The following ARHGAP15 variants were observed in gnomAD, a reference collection of about 807,000 sequenced individuals.
ARHGAP15 encodes rho GTPase-activating protein 15.
In ARHGAP15, 51 loss-of-function variants were observed where a neutral mutation model predicts 63.7. The ratio of observed to expected loss-of-function variants is 0.80; its 90% CI spans 0.64 to 1.01. The LOEUF is 1.01. Among genes scored for constraint, ARHGAP15 ranks in the 50% least tolerant of loss-of-function variants. ARHGAP15 has a pLI of 0.00. For missense variants in ARHGAP15, 560 were observed against 564.6 expected (o/e 0.99, Z 0.08); for synonymous variants, 191 against 193.8 (o/e 0.99, Z 0.12).
intron 9 of ARHGAP15, among the ~76,000 whole-genome samples, chr2:143,504,827 G>C (rs1160711846): frequency 6.6e-6 from 1 of 152,186 alleles, no homozygotes; most frequent in Admixed American, 6.5e-5. Flanking sequence ...TCCCTGCCTA[G>C]GTACTGGCCA....
chr2:143,384,933 A>G (rs1687214528), intron 6 of ARHGAP15, among the ~76,000 whole-genome samples: 1 of 152,210 alleles, frequency 6.6e-6, no homozygotes, highest in African/African-American at 2.4e-5. Flanking sequence ...ACTTTGGAAC[A>G]CTGAATAAGA....
intron 6 of ARHGAP15, among the ~76,000 whole-genome samples, chr2:143,420,101 C>T (rs753794294): frequency 7.9e-5 from 12 of 152,074 alleles, no homozygotes; most frequent in South Asian, 2.1e-4. Context: ...GGTCAGGATA[C>T]GGTTACTGAA....
intron 13 of ARHGAP15, among the ~76,000 whole-genome samples, chr2:143,736,088 A>G (rs1405053451): frequency 6.6e-6 from 1 of 152,104 alleles, no homozygotes; most frequent in Admixed American, 6.5e-5. Context: ...CAGGTCCTTA[A>G]CCTATATGTG....
chr2:143,745,149 G>A (rs1261794454), intron 13 of ARHGAP15, among the ~76,000 whole-genome samples: 2 of 152,158 alleles, frequency 1.3e-5, no homozygotes, highest in Non-Finnish European at 2.9e-5. Context: ...TCTCAAGTTC[G>A]CAGATTCCTT....
chr2:143,232,194 A>T (rs1001635474), intron 5 of ARHGAP15, among the ~76,000 whole-genome samples: 1 of 152,230 alleles, frequency 6.6e-6, no homozygotes, highest in African/African-American at 2.4e-5. Flanking sequence ...TATGAAAAGG[A>T]CATTAAATCG....
At chr2:143,507,793 C>G (rs6705184) in intron 9 of ARHGAP15, among the ~76,000 whole-genome samples, 59,986 of 151,958 alleles carry the variant, frequency 0.39, 13,392 homozygotes, top group Non-Finnish European at 0.51. Flanking sequence ...CCTGGGATCA[C>G]CCCCGCTTTC....
chr2:143,444,872 T>C (rs1690060214), intron 8 of ARHGAP15, among the ~76,000 whole-genome samples: 1 of 152,192 alleles, frequency 6.6e-6, no homozygotes, highest in Non-Finnish European at 1.5e-5. Context: ...TTAGGATTCC[T>C]AGCTTTCTTC....
chr2:143,516,368 ACT>A (rs933098723), intron 9 of ARHGAP15, among the ~76,000 whole-genome samples: 2 of 151,466 alleles, frequency 1.3e-5, no homozygotes, highest in Non-Finnish European at 2.9e-5. Flanking sequence ...CCAAACACAA[ACT>A]CTCTCTCTCC....
intron 12 of ARHGAP15, among the ~76,000 whole-genome samples, chr2:143,673,030 A>T (rs1427392500): frequency 6.6e-6 from 1 of 152,212 alleles, no homozygotes; most frequent in Admixed American, 6.5e-5. Context: ...ATACAGAAAA[A>T]TTAAGAAAAG....
At chr2:143,712,143 G>A (rs1222775042) in intron 13 of ARHGAP15, among the ~76,000 whole-genome samples, 1 of 152,192 alleles carries the variant, frequency 6.6e-6, no homozygotes, top group Non-Finnish European at 1.5e-5. Context: ...GAGTGATAGG[G>A]AGAATGGGGG....
chr2:143,727,801 T>C (rs1465644829), intron 13 of ARHGAP15, among the ~76,000 whole-genome samples: 1 of 152,212 alleles, frequency 6.6e-6, no homozygotes, highest in Non-Finnish European at 1.5e-5. Context: ...AACCAGATTT[T>C]TTTTACTCTA....
At chr2:143,495,588 A>T (rs556574819) in intron 9 of ARHGAP15, among the ~76,000 whole-genome samples, 10 of 152,338 alleles carry the variant, frequency 6.6e-5, no homozygotes, top group African/African-American at 2.4e-4. Context: ...GAAAAATTAT[A>T]GTTCTTTTAA....
chr2:143,241,362 G>C (rs1230325375), intron 5 of ARHGAP15, among the ~76,000 whole-genome samples: 1 of 152,150 alleles, frequency 6.6e-6, no homozygotes, highest in African/African-American at 2.4e-5. Flanking sequence ...ACATTAACAA[G>C]GGTGACTATC....
In ARHGAP15 at chr2:143,497,830, A is replaced by C. The variant is rs1453502020; in HGVS notation, c.826+10335A>C. On this transcript the variant is annotated intron_variant, in intron 9 of 13. Coordinates refer to ENST00000295095, the MANE Select transcript of ARHGAP15 (RefSeq NM_018460.4). ...TGAGACAAGTTGAATTTTCCATGCT[A>C]TTCAAGGAAGGAGGTCTCACTCCTT... Among the ~76,000 whole-genome samples, 5 of 151,404 alleles carry C rather than the reference A, an allele frequency of 3.3e-5. No individual in the cohort carries two copies. In the East Asian group the frequency reaches 8.0e-4, roughly 24 times the overall value.
At chr2:143,235,323 G>T (rs540150602) in intron 5 of ARHGAP15, among the ~76,000 whole-genome samples, 1 of 150,556 alleles carries the variant, frequency 6.6e-6, no homozygotes, top group African/African-American at 2.4e-5. Flanking sequence ...TTGTAGGACC[G>T]TTATAATTTG....
At chr2:143,308,189 A>T (rs577352852) in intron 6 of ARHGAP15, among the ~76,000 whole-genome samples, 1 of 152,302 alleles carries the variant, frequency 6.6e-6, no homozygotes, top group East Asian at 1.9e-4. Flanking sequence ...TACTTAATTG[A>T]TTCAATAAAA....
At chr2:143,278,518 G>A (rs2105074207) in intron 6 of ARHGAP15, among the ~76,000 whole-genome samples, 1 of 152,184 alleles carries the variant, frequency 6.6e-6, no homozygotes. Context: ...TGCTAAATTT[G>A]GCCCCTTTTT....
intron 12 of ARHGAP15, among the ~76,000 whole-genome samples, chr2:143,640,311 G>A (rs1427948342): frequency 6.6e-6 from 1 of 152,036 alleles, no homozygotes; most frequent in African/African-American, 2.4e-5. Context: ...AGAGGGTGGC[G>A]AGAAGGTGAA....
At chr2:143,370,786 T>A (rs1686515925) in intron 6 of ARHGAP15, among the ~76,000 whole-genome samples, 1 of 152,206 alleles carries the variant, frequency 6.6e-6, no homozygotes, top group Non-Finnish European at 1.5e-5. Flanking sequence ...AGTGGTGATG[T>A]GTGGTATTTG....
Sources: gnomAD v4.1 joint callset for allele counts (sites outside exome capture counted in the v4.1 genomes callset) on GRCh38, gnomAD v4.1.1 for gene constraint, MANE v1.5 for transcripts, NCBI Gene and HGNC (gene_info 2026-07-23, HGNC 2026-07-21) for gene names.